The following KBTBD8 variants were observed in gnomAD, a reference collection of about 807,000 sequenced individuals.
KBTBD8 encodes kelch repeat and BTB domain containing 8, also known as kelch repeat and BTB domain-containing protein 8.
A neutral mutation model predicts 53.5 loss-of-function variants in KBTBD8; 31 were observed. That is an observed-to-expected ratio of 0.58 (90% CI 0.44 to 0.78). The LOEUF (loss-of-function observed/expected upper bound fraction) is 0.78. KBTBD8 is among the 30% of genes least tolerant of loss of function. The probability of loss-of-function intolerance (pLI) is 0.00; values close to 1 mark genes in which losing one functional copy is unlikely to be tolerated. For missense variants in KBTBD8, 642 were observed against 735.8 expected (o/e 0.87, Z 1.48); for synonymous variants, 250 against 247.3 (o/e 1.01, Z -0.10).
At position 67,004,110 on chromosome 3, in the gene KBTBD8, A is replaced by G; in HGVS notation, c.1143A>G (p.Ile381Met). The change falls in exon 3 of 4, where the codon ATA becomes ATG. Residue 381 changes from isoleucine to methionine, a missense_variant. Transcript: ENST00000417314. ...LSKPSLLRAR[I>M]GCKLVYCCGK... ...AACCATCCTTGCTTCGAGCCAGAATAGGCTGCAAACTTGTCTATTGCTGTG... is the reference window on the plus strand; with the variant it reads ...AACCATCCTTGCTTCGAGCCAGAATGGGCTGCAAACTTGTCTATTGCTGTG... 6.2e-7 allele frequency: 1 copy of G among 1,614,218 alleles called. No homozygotes were observed. The highest frequency in any genetic ancestry group is 1.1e-5 in the South Asian group (1 of 91,084).
At chr3:66,998,717 G>T (rs1430144351) in intron 1 of KBTBD8, among the ~76,000 whole-genome samples, 1 of 152,166 alleles carries the variant, frequency 6.6e-6, no homozygotes, top group Non-Finnish European at 1.5e-5. Flanking sequence ...CTGCGAGCGC[G>T]TTTCCTCCGC....
chr3:67,002,825 C>A (rs1014390109), intron 2 of KBTBD8, among the ~76,000 whole-genome samples: 12 of 152,048 alleles, frequency 7.9e-5, no homozygotes, highest in African/African-American at 2.9e-4. Flanking sequence ...TTCTGACTGG[C>A]ATGGCCCAAT....
In KBTBD8 at chr3:67,008,595, A is replaced by T; in HGVS notation, c.*210A>T. The T allele has an allele frequency of 2.0e-6, 1 of 498,220 alleles. No homozygotes were observed. Among genetic ancestry groups the T allele is most frequent in the East Asian group, 3.0e-5 (1 of 33,716 alleles). 30.9% of individuals were successfully genotyped at this position (498,220 alleles called of 1,614,324 possible). A position where few individuals can be genotyped will look rare whatever the true frequency, so the allele number is the denominator to read the frequency against. ...GAAAAGATAACAAAGTGCAATTATC[A>T]GCATTTTTTTTTCCTGGCATAAAAT... is the stretch of plus-strand genomic sequence containing the variant. On this transcript the variant is annotated 3_prime_UTR_variant, in exon 4 of 4. Transcript: ENST00000417314.
chr3:67,007,900 G>GT (rs1702082046), intron 3 of KBTBD8, 22 bp from the exon 4 acceptor site: 2 of 1,277,372 alleles, frequency 1.6e-6, no homozygotes, highest in Non-Finnish European at 2.2e-6. Context: ...ACATATTCTT[G>GT]TTTTCTTTTT....
At chr3:66,999,373 T>C (rs528188506) in intron 2 of KBTBD8, among the ~76,000 whole-genome samples, 182 bp downstream of exon 2, 1 of 151,664 alleles carries the variant, frequency 6.6e-6, no homozygotes, top group African/African-American at 2.4e-5. Flanking sequence ...GGGATTCTTC[T>C]AGATTTCGGG....
intron 3 of KBTBD8, 109 bp downstream of exon 3, chr3:67,004,418 G>T (rs1702046462): frequency 9.9e-7 from 1 of 1,005,280 alleles, no homozygotes; most frequent in Admixed American, 2.1e-5. Context: ...AATACCTCCA[G>T]CTTCCTTATC....
chr3:67,005,589 T>G (rs1221030312), intron 3 of KBTBD8, among the ~76,000 whole-genome samples: 2 of 152,226 alleles, frequency 1.3e-5, no homozygotes, highest in Non-Finnish European at 2.9e-5. Context: ...TGTCATTAAT[T>G]GATGCATGAC....
In KBTBD8 at chr3:67,010,237, C is replaced by T. The variant is rs533978304; in HGVS notation, c.*1852C>T. ...TGTGTATTTTAGAAATCATTCTTTA[C>T]AGTTTTGCATTGCTGAGGAGAGAGA... On this transcript the variant is annotated 3_prime_UTR_variant, in exon 4 of 4. Coordinates refer to ENST00000417314, the MANE Select transcript of KBTBD8 (RefSeq NM_032505.3). 6.6e-6 allele frequency: 1 copy of T among 152,602 alleles called. No individual in the cohort carries two copies. Among genetic ancestry groups the T allele is most frequent in the African/African-American group, 2.4e-5 (1 of 41,530 alleles). 9.5% of individuals were successfully genotyped at this position (152,602 alleles called of 1,614,324 possible).
rs949660225 is a variant in KBTBD8 at position 66,998,342 on chromosome 3, G to T, written c.-14G>T. The T allele has an allele frequency of 2.9e-5, 38 of 1,298,786 alleles. No homozygotes were observed. The highest frequency in any genetic ancestry group is 3.4e-5 in the Non-Finnish European group (35 of 1,015,410). The allele number at this position is 1,298,786 out of a possible 1,614,324, so 80.5% of individuals were successfully genotyped here. On this transcript the variant is annotated 5_prime_UTR_variant, in exon 1 of 4. Coordinates refer to ENST00000417314, the MANE Select transcript of KBTBD8 (RefSeq NM_032505.3). ...TTCCTTTTTAAATAGCTGGAGTCGG[G>T]GCCCCATCGAGAAATGGCCGCGTCG...
At chr3:67,000,877 G>A (rs1702013226) in intron 2 of KBTBD8, among the ~76,000 whole-genome samples, 1 of 151,464 alleles carries the variant, frequency 6.6e-6, no homozygotes, top group South Asian at 2.1e-4. Context: ...TAATAAATAT[G>A]ATATATGTAT....
intron 3 of KBTBD8, among the ~76,000 whole-genome samples, chr3:67,006,343 C>A (rs1005898058): frequency 9.2e-5 from 14 of 152,038 alleles, no homozygotes; most frequent in African/African-American, 3.4e-4. Flanking sequence ...TTATTAACAT[C>A]ATTTAATTTG....
rs1485547219 is a variant in KBTBD8, at chr3:67,010,791, C to T, written c.*2406C>T. The stretch of plus-strand genomic sequence containing the variant: ...GGTACTACAGAATTAAAATGTAGGT[C>T]TAACATAATGCCAGTTCCACTTTAA... On this transcript the variant is annotated 3_prime_UTR_variant, in exon 4 of 4. Transcript: ENST00000417314. 6.6e-6 allele frequency: 1 copy of T among 152,564 alleles called. No homozygotes were observed. The highest frequency in any genetic ancestry group is 6.5e-5 in the Admixed American group (1 of 15,274). The allele number at this position is 152,564 out of a possible 1,614,324, so 9.5% of individuals were successfully genotyped here. A position where few individuals can be genotyped will look rare whatever the true frequency, so the allele number is the denominator to read the frequency against.
At chr3:67,000,875 A>G (rs908477868) in intron 2 of KBTBD8, among the ~76,000 whole-genome samples, 5 of 151,946 alleles carry the variant, frequency 3.3e-5, no homozygotes, top group African/African-American at 9.7e-5. Flanking sequence ...CATAATAAAT[A>G]TGATATATGT....
rs1209060523 is a variant in KBTBD8, at chr3:67,010,213, G to T, written c.*1828G>T. 1 of 152,508 alleles carries T rather than the reference G, an allele frequency of 6.6e-6. No individual in the cohort carries two copies. The highest frequency in any genetic ancestry group is 1.5e-5 in the Non-Finnish European group (1 of 67,990). The allele number at this position is 152,508 out of a possible 1,614,324, so 9.4% of individuals were successfully genotyped here. On this transcript the variant is annotated 3_prime_UTR_variant, in exon 4 of 4. Transcript: ENST00000417314. ...ATCATGATGTTTTGGAGTTATTACT[G>T]TGTATTTTAGAAATCATTCTTTACA...
intron 1 of KBTBD8, 177 bp from the exon 2 acceptor site, chr3:66,998,804 C>G: frequency 1.6e-6 from 1 of 617,366 alleles, no homozygotes; most frequent in Non-Finnish European, 2.9e-6. Flanking sequence ...CGCGCTCCGC[C>G]CTCTGTCTCC....
Position 66,999,173 on chromosome 3 carries a change from C to T in KBTBD8, c.209C>T (p.Ala70Val), listed in dbSNP as rs1408026917. 6.2e-7 allele frequency: 1 copy of T among 1,614,134 alleles called. No homozygotes were observed. Among genetic ancestry groups the T allele is most frequent in the Non-Finnish European group, 8.5e-7 (1 of 1,179,950 alleles). The stretch of plus-strand genomic sequence containing the variant: ...TCCTGTCATAGAAACGTTCTTGCTG[C>T]AATCAGCCCTTACTTCAGGTATGAT... ...TFSCHRNVLA[A>V]ISPYFRSMFT... Residue 70 changes from alanine (A) to valine (V), a missense_variant, in exon 2 of 4, where the codon GCA becomes GTA. Ala to Val is a moderately conservative substitution (Grantham distance 64). Transcript: ENST00000417314.
intron 2 of KBTBD8, among the ~76,000 whole-genome samples, chr3:66,999,464 A>G (rs1048057370): frequency 1.3e-5 from 2 of 152,210 alleles, no homozygotes; most frequent in Non-Finnish European, 2.9e-5. Context: ...GCTGGTCAGT[A>G]TGGAAGCCAG....
intron 1 of KBTBD8, 55 bp downstream of exon 1, chr3:66,998,426 C>A: frequency 1.7e-5 from 6 of 349,528 alleles, no homozygotes; most frequent in Non-Finnish European, 2.7e-5. Flanking sequence ...GAAGGTGGGC[C>A]GGGGCCGGCC....
At chr3:67,005,183 G>A (rs928384470) in intron 3 of KBTBD8, among the ~76,000 whole-genome samples, 1 of 152,146 alleles carries the variant, frequency 6.6e-6, no homozygotes, top group African/African-American at 2.4e-5. Flanking sequence ...TTAATGCAGT[G>A]TAGATAATAG....
Sources: allele counts gnomAD v4.1 joint callset (sites outside exome capture counted in the v4.1 genomes callset), GRCh38; gene constraint gnomAD v4.1.1; transcripts MANE v1.5; gene names NCBI Gene and HGNC (gene_info 2026-07-23, HGNC 2026-07-21).